KNDC1: variants seen among roughly 807,000 people sequenced by gnomAD.
KNDC1 encodes kinase non-catalytic C-lobe domain containing 1.
Under a neutral mutation model 172.8 loss-of-function variants are expected in KNDC1, and 106 were observed. The observed-to-expected ratio is 0.61, with a 90% confidence interval of 0.52 to 0.72. KNDC1 has a LOEUF of 0.72. Ranked by LOEUF, KNDC1 falls within the 30% of genes least tolerant of loss-of-function variation. KNDC1 has a pLI of 0.00. For missense variants in KNDC1, 2,325 were observed against 2,394.5 expected, an observed-to-expected ratio of 0.97 and a Z score of 0.61; for synonymous variants, 1,083 against 1,062.2, an observed-to-expected ratio of 1.02 and a Z score of -0.38.
chr10:133,180,587 G>A (rs1241301615), intron 3 of KNDC1, among the ~76,000 whole-genome samples: 2 of 152,272 alleles, frequency 1.3e-5, no homozygotes, highest in African/African-American at 4.8e-5. Context: ...GCCTCGGGGT[G>A]GAGAACATCC....
chr10:133,165,613 G>A (rs755593396), intron 1 of KNDC1, among the ~76,000 whole-genome samples: 2 of 152,258 alleles, frequency 1.3e-5, no homozygotes, highest in African/African-American at 2.4e-5. Flanking sequence ...GTGTGCGTGG[G>A]CATGTTGCGC....
At chr10:133,196,793 C>A (rs1017732721) in intron 10 of KNDC1, among the ~76,000 whole-genome samples, 3 of 152,168 alleles carry the variant, frequency 2.0e-5, no homozygotes, top group Non-Finnish European at 4.4e-5. Context: ...AGTGTCCAGG[C>A]GACGAGGCTA....
chr10:133,206,788 CT>C lies in KNDC1; in HGVS notation c.3481+11del. 1 of 1,613,936 alleles carries C rather than the reference CT, an allele frequency of 6.2e-7. No individual in the cohort carries two copies. The highest frequency in any genetic ancestry group is 2.2e-5 in the East Asian group (1 of 44,880). On this transcript the variant is annotated intron_variant, in intron 18 of 29. Coordinates refer to ENST00000304613, the MANE Select transcript of KNDC1 (RefSeq NM_152643.8). Reference sequence around the variant, plus strand: ...GAAAAGAGGAACAAAGGTAAGGCCCCTGTGGGCACAGGTCCGAGACCCTGGC... The same window carrying C: ...GAAAAGAGGAACAAAGGTAAGGCCCCGTGGGCACAGGTCCGAGACCCTGGC...
In KNDC1 at chr10:133,207,206, C is replaced by G; in HGVS notation, c.3649C>G (p.Pro1217Ala). Reference sequence around the variant, plus strand: ...AGTGATCGTGAACATCGCGGCCGCACCCTGCGACACGCTGGACTTCAGCCC... The same window carrying G: ...AGTGATCGTGAACATCGCGGCCGCAGCCTGCGACACGCTGGACTTCAGCCC... The part of the protein sequence containing the change: ...LPVIVNIAAA[P>A]CDTLDFSPLD... Residue 1217 changes from proline to alanine, a missense_variant, in exon 20 of 30, where the codon CCC becomes GCC. Coordinates refer to ENST00000304613, the MANE Select transcript of KNDC1 (RefSeq NM_152643.8). 6.2e-7 allele frequency: 1 copy of G among 1,612,124 alleles called. No homozygotes were observed. Among genetic ancestry groups the G allele is most frequent in the Non-Finnish European group, 8.5e-7 (1 of 1,179,802 alleles).
chr10:133,219,197 G>T, intron 28 of KNDC1, 107 bp downstream of exon 28: 2 of 1,377,714 alleles, frequency 1.5e-6, no homozygotes, highest in Non-Finnish European at 2.0e-6. Context: ...CACAGAGTGT[G>T]TGCAGGTGGC....
intron 29 of KNDC1, among the ~76,000 whole-genome samples, chr10:133,222,239 C>T (rs1447447369): frequency 1.3e-5 from 2 of 148,176 alleles, no homozygotes; most frequent in South Asian, 2.2e-4. Context: ...GCCGAGATCG[C>T]GCCACCGCAC....
intron 15 of KNDC1, 131 bp downstream of exon 15, chr10:133,199,733 G>A: frequency 9.4e-7 from 1 of 1,060,196 alleles, no homozygotes; most frequent in East Asian, 2.5e-5. Context: ...TCTCCAGAGG[G>A]GCTACCCTTG....
At chr10:133,197,586 C>A in intron 11 of KNDC1, 89 bp from the exon 12 acceptor site, 2 of 969,580 alleles carry the variant, frequency 2.1e-6, no homozygotes, top group Non-Finnish European at 3.3e-6. Context: ...TCCACGGCAC[C>A]GGCGGGTGGT....
rs1426996373 is a variant in KNDC1 at position 133,211,730 on chromosome 10, G to A, written c.4108G>A (p.Gly1370Ser). The stretch of plus-strand genomic sequence containing the variant: ...GCACCTGCTGGGCCTCCTGGAGGTG[G>A]GCATGGACCGGCGGGCCGAGGGCAA... ...AKHLLGLLEV[G>S]MDRRAEGNPR... is the part of the protein sequence containing the mutation. The change falls in exon 23 of 30, where the codon GGC (glycine) becomes AGC (serine). Residue 1370 changes from glycine to serine, a missense_variant. By Grantham distance (56) the Gly-to-Ser change is moderately conservative. Coordinates refer to ENST00000304613, the MANE Select transcript of KNDC1 (RefSeq NM_152643.8). The A allele has an allele frequency of 1.2e-6, 2 of 1,609,824 alleles. No homozygotes were observed. The highest frequency in any genetic ancestry group is 2.2e-5 in the South Asian group (2 of 90,906).
Position 133,167,839 on chromosome 10 carries a change from G to A in KNDC1, c.301+260G>A, listed in dbSNP as rs377263009. ...ACTCGGCCCGCCCTGAGCCCCCTCC[G>A]CTCAGGACTTCCCCTAAGGGCAGGC... On this transcript the variant is annotated intron_variant, in intron 2 of 29. Transcript: ENST00000304613. Among the ~76,000 whole-genome samples the A allele has an allele frequency of 1.8e-3, 272 of 152,256 alleles. 6 individuals carry two copies. The South Asian group carries it at 0.034, about 19-fold the overall frequency.
At chr10:133,169,512 C>G (rs1853301342) in intron 3 of KNDC1, among the ~76,000 whole-genome samples, 1 of 152,248 alleles carries the variant, frequency 6.6e-6, no homozygotes, top group Non-Finnish European at 1.5e-5. Context: ...TGCTTACTTT[C>G]ACTCTGAAAC....
chr10:133,186,880 T>C (rs1853934835), intron 6 of KNDC1, among the ~76,000 whole-genome samples: 1 of 152,200 alleles, frequency 6.6e-6, no homozygotes, highest in African/African-American at 2.4e-5. Context: ...AGGCGTGGCC[T>C]CTCGGGTAGA....
At chr10:133,189,315 C>G (rs1450210636) in intron 7 of KNDC1, among the ~76,000 whole-genome samples, 1 of 152,298 alleles carries the variant, frequency 6.6e-6, no homozygotes, top group Admixed American at 6.5e-5. Flanking sequence ...TTCAAGTTAC[C>G]GTGTTCTCCC....
chr10:133,217,108 A>G (rs910663700), intron 26 of KNDC1, among the ~76,000 whole-genome samples: 2 of 152,282 alleles, frequency 1.3e-5, no homozygotes, highest in Non-Finnish European at 2.9e-5. Flanking sequence ...CACAGTGTGG[A>G]TGTAGTTAAC....
chr10:133,212,730 G>T lies in KNDC1; in HGVS notation c.4251G>T (p.Arg1417Ser). The T allele has an allele frequency of 6.2e-7, 1 of 1,612,912 alleles. No homozygotes were observed. Among genetic ancestry groups the T allele is most frequent in the Non-Finnish European group, 8.5e-7 (1 of 1,179,706 alleles). ...CTGCCCTGCAGAGCTTCCCCTGGAG[G>T]CTGCCCCGAGGCAACGGGCTGGTGC... ...DGISRKSFPW[R>S]LPRGNGLVLP... Residue 1417 changes from arginine (R) to serine (S), a missense_variant, in exon 24 of 30, where the codon AGG becomes AGT. Coordinates refer to ENST00000304613, the MANE Select transcript of KNDC1 (RefSeq NM_152643.8).
At position 133,165,987 on chromosome 10, in the gene KNDC1, G is replaced by A. The variant is rs532492870; in HGVS notation, c.103-1394G>A. ...ATGTGCCAGGACCCCACGAACAGAC[G>A]CAGAGCCAGCCCCATGGCCAGGCCC... On this transcript the variant is annotated intron_variant, in intron 1 of 29. Transcript: ENST00000304613. 2.0e-5 allele frequency among the ~76,000 whole-genome samples: 3 copies of A among 152,348 alleles called. No homozygotes were observed. The South Asian group carries it at 6.2e-4, about 32-fold the overall frequency.
At chr10:133,169,742 ATGGCCTGGTGGCTGTGACGTGGCACG>A (rs1591221689) in intron 3 of KNDC1, among the ~76,000 whole-genome samples, 1 of 151,602 alleles carries the variant, frequency 6.6e-6, no homozygotes, top group Admixed American at 6.6e-5. Flanking sequence ...AACGCAGCGC[ATGGCCTGGTGGCTGTGACGTGGCACG>A]TGGCCTGGTG....
Position 133,197,081 on chromosome 10 carries a change from G to A in KNDC1, c.1758G>A (p.Gln586=), listed in dbSNP as rs558026601. The A allele has an allele frequency of 6.2e-7, 1 of 1,613,222 alleles. No individual in the cohort carries two copies. The highest frequency in any genetic ancestry group is 1.7e-5 in the Admixed American group (1 of 60,008). ...AIKVCGSYLL[Q]RGMDSRKILA... ...AGGTGTGCGGCAGCTACCTCCTCCA[G>A]CGAGGCATGGACAGCCGGAAAATCC... Residue 586 remains glutamine, a synonymous_variant, in exon 11 of 30, where the codon CAG becomes CAA. Transcript: ENST00000304613.
intron 25 of KNDC1, 59 bp downstream of exon 25, chr10:133,213,786 A>G: frequency 6.5e-7 from 1 of 1,538,978 alleles, no homozygotes; most frequent in Non-Finnish European, 9.0e-7. Context: ...GGCTTCCCGT[A>G]AGAGTCTTGT....
Sources: gnomAD v4.1 joint callset for allele counts (sites outside exome capture counted in the v4.1 genomes callset) on GRCh38, gnomAD v4.1.1 for gene constraint, MANE v1.5 for transcripts, NCBI Gene and HGNC (gene_info 2026-07-23, HGNC 2026-07-21) for gene names.